Variants in KLHL4 observed in about 807,000 individuals in gnomAD.
KLHL4 encodes kelch-like protein 4.
A neutral mutation model predicts 45.8 loss-of-function variants in KLHL4; 17 were observed. The observed-to-expected ratio is 0.37, with a 90% CI of 0.25 to 0.56. The LOEUF (loss-of-function observed/expected upper bound fraction) is 0.56, where lower values mean the gene tolerates loss of function less well. Among genes scored for constraint, KLHL4 ranks in the 20% least tolerant of loss-of-function variants. KLHL4 has a pLI of 0.79. For synonymous variants in KLHL4, 224 were observed against 189.9 expected, an observed-to-expected ratio of 1.18 and a Z score of -1.47; for missense variants, 544 against 544.9, an observed-to-expected ratio of 1.00 and a Z score of 0.02.
chrX:87,609,623 G>A (rs1262930687), intron 1 of KLHL4, among the ~76,000 whole-genome samples: 1 of 110,844 alleles, frequency 9.0e-6, no homozygotes, highest in Non-Finnish European at 1.9e-5. Context: ...TTTTTTTCTT[G>A]TAAATTTGTT....
intron 1 of KLHL4, among the ~76,000 whole-genome samples, chrX:87,598,072 T>C (rs1385429734): frequency 3.6e-5 from 4 of 110,537 alleles, no homozygotes; most frequent in Non-Finnish European, 7.6e-5. Context: ...TTCTATTCTG[T>C]TTTGAAAAGT....
intron 9 of KLHL4, among the ~76,000 whole-genome samples, chrX:87,659,881 C>T (rs1924128403): frequency 9.0e-6 from 1 of 110,709 alleles, no homozygotes; most frequent in African/African-American, 3.3e-5. Context: ...TGCCTGAGGT[C>T]AGCTCAGTAT....
At chrX:87,657,287 CT>C (rs1395966438) in intron 9 of KLHL4, among the ~76,000 whole-genome samples, 1 of 112,067 alleles carries the variant, frequency 8.9e-6, no homozygotes, top group Admixed American at 9.4e-5. Context: ...ACCCAGTGGC[CT>C]GGGCTTTATC....
chrX:87,528,544 G>A (rs1476248613), intron 1 of KLHL4, among the ~76,000 whole-genome samples: 1 of 107,640 alleles, frequency 9.3e-6, no homozygotes, highest in Non-Finnish European at 1.9e-5. Flanking sequence ...GTGAAACTCC[G>A]TCTCTACTAA....
chrX:87,606,679 C>T (rs2147809368), intron 1 of KLHL4, among the ~76,000 whole-genome samples: 1 of 110,429 alleles, frequency 9.1e-6, no homozygotes, highest in East Asian at 2.9e-4. Flanking sequence ...TCTAGACAGA[C>T]AAGTAATGAG....
chrX:87,526,656 C>T (rs187416339), intron 1 of KLHL4, among the ~76,000 whole-genome samples: 4 of 111,330 alleles, frequency 3.6e-5, no homozygotes, highest in South Asian at 3.7e-4. Context: ...ATAGGAAGAA[C>T]GAAAAACCTT....
intron 9 of KLHL4, among the ~76,000 whole-genome samples, chrX:87,650,688 GT>G (rs892450862): frequency 1.8e-5 from 2 of 111,437 alleles, no homozygotes; most frequent in Non-Finnish European, 3.8e-5. Context: ...TCTGGTGAGG[GT>G]TTTTTATAGT....
intron 1 of KLHL4, among the ~76,000 whole-genome samples, chrX:87,608,104 TTTCTTTAGCA>T (rs1379493645): frequency 8.9e-6 from 1 of 112,127 alleles, no homozygotes; most frequent in African/African-American, 3.2e-5. Flanking sequence ...CTTTGGTTTA[TTTCTTTAGCA>T]TTCTTTACGT....
At chrX:87,630,118 GA>G (rs919738954) in intron 6 of KLHL4, among the ~76,000 whole-genome samples, 14 of 111,510 alleles carry the variant, frequency 1.3e-4, no homozygotes, top group Middle Eastern at 4.6e-3. Flanking sequence ...TTAGAGGAAG[GA>G]AACACTGTTT....
rs932569563 is a variant in KLHL4, at chrX:87,605,518, G to T, written c.423-8359G>T. On this transcript the variant is annotated intron_variant, in intron 1 of 10. Transcript: ENST00000373119. Reference sequence around the variant, plus strand: ...TATATTTAAATTGAATTGTTTTCTTGATTTATTTTTGAGATAGCTTGCTGT... The same window carrying T: ...TATATTTAAATTGAATTGTTTTCTTTATTTATTTTTGAGATAGCTTGCTGT... Among the ~76,000 whole-genome samples, 55 of 110,054 alleles carry T rather than the reference G, an allele frequency of 5.0e-4. 1 individual carries two copies. Among genetic ancestry groups the T allele is most frequent in the African/African-American group, 1.7e-3 (51 of 30,412 alleles).
intron 1 of KLHL4, among the ~76,000 whole-genome samples, chrX:87,535,638 TG>T (rs1931411735): frequency 9.0e-6 from 1 of 110,884 alleles, no homozygotes; most frequent in Non-Finnish European, 1.9e-5. Flanking sequence ...GGTCTCTGGT[TG>T]GGGATTCATC....
chrX:87,522,128 T>C (rs1202398526), intron 1 of KLHL4, among the ~76,000 whole-genome samples: 1 of 112,166 alleles, frequency 8.9e-6, no homozygotes, highest in Non-Finnish European at 1.9e-5. Context: ...ATAAGAGAAA[T>C]TGTAAGTCTA....
chrX:87,638,806 A>G (rs1923352281), intron 9 of KLHL4, among the ~76,000 whole-genome samples: 2 of 111,668 alleles, frequency 1.8e-5, no homozygotes, highest in Admixed American at 9.5e-5. Context: ...GTATTCAGGC[A>G]ATTAATAGCA....
chrX:87,640,628 A>G (rs1311944924), intron 9 of KLHL4, among the ~76,000 whole-genome samples: 2 of 111,959 alleles, frequency 1.8e-5, no homozygotes, highest in African/African-American at 6.5e-5. Context: ...ACCCTTTGAC[A>G]AAGTCCAGCA....
intron 9 of KLHL4, among the ~76,000 whole-genome samples, chrX:87,652,439 G>C (rs1279807495): frequency 8.9e-6 from 1 of 112,086 alleles, no homozygotes; most frequent in African/African-American, 3.2e-5. Flanking sequence ...AATGCTAATA[G>C]CACCTCTTAA....
At chrX:87,633,987 A>G (rs1371902057) in intron 8 of KLHL4, 76 bp downstream of exon 8, 2 of 809,647 alleles carry the variant, frequency 2.5e-6, no homozygotes, top group African/African-American at 4.1e-5. Flanking sequence ...GATCCATCCA[A>G]TCAATTAGCA....
At chrX:87,578,781 C>A (rs7061755) in intron 1 of KLHL4, among the ~76,000 whole-genome samples, 1,586 of 111,409 alleles carry the variant, frequency 0.014, 28 homozygotes, top group African/African-American at 0.049. Flanking sequence ...TTTTTTTGCA[C>A]AGAGTGCTAA....
chrX:87,547,086 G>A (rs972304955), intron 1 of KLHL4, among the ~76,000 whole-genome samples: 4 of 111,774 alleles, frequency 3.6e-5, no homozygotes, highest in African/African-American at 1.3e-4. Context: ...GGTACTGTTG[G>A]GAAGGCACAA....
intron 1 of KLHL4, among the ~76,000 whole-genome samples, chrX:87,562,548 TA>T (rs34334698): frequency 0.26 from 25,566 of 99,044 alleles, 2,822 homozygotes; most frequent in East Asian, 0.51. Context: ...TAGGGAAGAG[TA>T]AAAAAAAAAA....
Sources: gnomAD v4.1 joint callset for allele counts (sites outside exome capture counted in the v4.1 genomes callset) on GRCh38, gnomAD v4.1.1 for gene constraint, MANE v1.5 for transcripts, NCBI Gene and HGNC (gene_info 2026-07-23, HGNC 2026-07-21) for gene names.